The following KCTD1 variants were observed in gnomAD, a reference collection of about 807,000 sequenced individuals.
The protein encoded by KCTD1 is BTB/POZ domain-containing protein KCTD1.
Under a neutral mutation model 66.0 loss-of-function variants are expected in KCTD1, and 24 were observed. The ratio of observed to expected loss-of-function variants is 0.36; its 90% CI spans 0.26 to 0.51. The LOEUF (loss-of-function observed/expected upper bound fraction) is 0.51. Among genes scored for constraint, KCTD1 ranks in the 20% least tolerant of loss-of-function variants. KCTD1 has a pLI of 0.95. For missense variants in KCTD1, 943 were observed against 1,205.2 expected (o/e 0.78, Z 3.22); for synonymous variants, 511 against 517.2 (o/e 0.99, Z 0.16).
intron 3 of KCTD1, among the ~76,000 whole-genome samples, chr18:26,469,282 T>C (rs1342721752): frequency 6.6e-6 from 1 of 152,062 alleles, no homozygotes; most frequent in Non-Finnish European, 1.5e-5. Context: ...TCTGGAATCC[T>C]CAGGGAGCAC....
intron 1 of KCTD1, among the ~76,000 whole-genome samples, chr18:26,523,700 T>G (rs1984026445): frequency 1.3e-5 from 2 of 152,126 alleles, no homozygotes; most frequent in Non-Finnish European, 2.9e-5. Context: ...GTAAGCCTTG[T>G]GTGGTTTTCT....
intron 1 of KCTD1, among the ~76,000 whole-genome samples, chr18:26,509,212 A>G (rs1396703597): frequency 1.3e-5 from 2 of 151,948 alleles, no homozygotes; most frequent in African/African-American, 4.8e-5. Flanking sequence ...TACTGTATGC[A>G]TAATTTATTT....
chr18:26,504,207 C>T (rs1001280525), intron 1 of KCTD1, among the ~76,000 whole-genome samples: 1 of 152,094 alleles, frequency 6.6e-6, no homozygotes, highest in African/African-American at 2.4e-5. Flanking sequence ...GTAACTGGTA[C>T]TACAGGTACG....
At chr18:26,650,784 G>A (rs1988016203) in intron 1 of KCTD1, among the ~76,000 whole-genome samples, 2 of 152,244 alleles carry the variant, frequency 1.3e-5, no homozygotes, top group African/African-American at 4.8e-5. Flanking sequence ...TTCCAGCAAA[G>A]TGAAAGTGCT....
chr18:26,503,614 G>A (rs1024500947), intron 1 of KCTD1, among the ~76,000 whole-genome samples: 2 of 152,090 alleles, frequency 1.3e-5, no homozygotes, highest in African/African-American at 4.8e-5. Context: ...TCCTGCCTGA[G>A]GGTGCTCAGG....
chr18:26,592,932 G>A (rs1034751304), intron 1 of KCTD1, among the ~76,000 whole-genome samples: 1 of 152,188 alleles, frequency 6.6e-6, no homozygotes, highest in Non-Finnish European at 1.5e-5. Flanking sequence ...TTGCAGGATT[G>A]TAAGGTGGGC....
intron 1 of KCTD1, among the ~76,000 whole-genome samples, chr18:26,610,594 A>AAATG (rs1347736323): frequency 1.0e-4 from 15 of 147,802 alleles, no homozygotes; most frequent in African/African-American, 3.4e-4. Context: ...AGAGAGAAAG[A>AAATG]AAGGAAGGAA....
intron 1 of KCTD1, among the ~76,000 whole-genome samples, chr18:26,522,782 G>A (rs774496510): frequency 1.1e-4 from 16 of 152,044 alleles, no homozygotes; most frequent in Non-Finnish European, 1.9e-4. Context: ...TGCTGTGTGC[G>A]AGTCAGCTTA....
upstream of KCTD1, among the ~76,000 whole-genome samples, chr18:26,634,228 C>T (rs1178457121): frequency 1.3e-5 from 2 of 152,128 alleles, no homozygotes; most frequent in Non-Finnish European, 2.9e-5. Context: ...GAAAATGAAT[C>T]ATGGTAGTGC....
At chr18:26,575,179 T>C (rs1986196362) in intron 1 of KCTD1, 1 of 152,064 alleles carries the variant, frequency 6.6e-6, no homozygotes, top group East Asian at 1.9e-4. Flanking sequence ...GTAGAATATT[T>C]CAGAAGTTTG....
intron 1 of KCTD1, among the ~76,000 whole-genome samples, chr18:26,606,649 G>A (rs759956047): frequency 1.3e-5 from 2 of 152,220 alleles, no homozygotes; most frequent in Non-Finnish European, 2.9e-5. Context: ...CAAGTGCAGT[G>A]CTGCACATCA....
rs747030756 is a variant in KCTD1, at chr18:26,476,695, G to C, written c.1989-36C>G. The C allele has an allele frequency of 6.3e-7, 1 of 1,593,096 alleles. No homozygotes were observed. Among genetic ancestry groups the C allele is most frequent in the South Asian group, 1.1e-5 (1 of 88,672 alleles). ...AAAGAGGGAACAGTGAAGACAATTA[G>C]ATCAATTGTTCGGGCACTAGGACTA... On this transcript the variant is annotated intron_variant, in intron 2 of 4. Coordinates refer to ENST00000580059, the MANE Select transcript of KCTD1 (RefSeq NM_001142730.3). This position sits in a 1 kb window ranked among gnomAD's most constrained non-coding sequence, Gnocchi z 4.9.
chr18:26,476,747 G>A lies in KCTD1; in HGVS notation c.1989-88C>T. ...GAGGTGTCTTTTATCACTGTCAAAGGTAGCACTTTTGAAGATGGCAGTAGG... is the reference window on the plus strand; with the variant it reads ...GAGGTGTCTTTTATCACTGTCAAAGATAGCACTTTTGAAGATGGCAGTAGG... On this transcript the variant is annotated intron_variant, in intron 2 of 4. Transcript: ENST00000580059. The surrounding 1 kb of genome is among the most constrained non-coding windows in gnomAD (Gnocchi z 4.9). 1 of 1,234,532 alleles carries A rather than the reference G, an allele frequency of 8.1e-7. No homozygotes were observed. The allele number at this position is 1,234,532 out of a possible 1,614,324, so 76.5% of individuals were successfully genotyped here.
intron 1 of KCTD1, among the ~76,000 whole-genome samples, chr18:26,523,167 C>T (rs1040422645): frequency 6.6e-6 from 1 of 151,946 alleles, no homozygotes; most frequent in African/African-American, 2.4e-5. Flanking sequence ...AGGCAGGGGA[C>T]GATTAACGAT....
intron 1 of KCTD1, among the ~76,000 whole-genome samples, chr18:26,517,658 CAAAAAAAAAAAAAAAA>C (rs968619785): frequency 1.9e-5 from 1 of 53,408 alleles, no homozygotes; most frequent in East Asian, 5.2e-4. Context: ...ACTCCGTCTC[CAAAAAAAAAAAAAAAA>C]AAAAAAAAAG....
At position 26,548,483 on chromosome 18, in the gene KCTD1, G is replaced by C; in HGVS notation, c.54C>G (p.Ala18=). The C allele has an allele frequency of 8.0e-7, 1 of 1,248,778 alleles. No homozygotes were observed. The highest frequency in any genetic ancestry group is 3.8e-5 in the South Asian group (1 of 26,210). The allele number at this position is 1,248,778 out of a possible 1,614,324, so 77.4% of individuals were successfully genotyped here. A position where few individuals can be genotyped will look rare whatever the true frequency, so the allele number is the denominator to read the frequency against. The change falls in exon 1 of 5, where the codon GCC becomes GCG. Residue 18 remains alanine, a synonymous_variant. Coordinates refer to ENST00000580059, the MANE Select transcript of KCTD1 (RefSeq NM_001142730.3). ...GDCNTSAGGS[A]SAAAAAAENN... is the part of the protein sequence containing the mutation. ...TCTCGGCGGCGGCGGCGGCAGCGCT[G>C]GCGCTGCCGCCCGCGCTGGTGTTAC...
intron 2 of KCTD1, among the ~76,000 whole-genome samples, chr18:26,488,096 C>T (rs1405915999): frequency 6.6e-6 from 1 of 152,214 alleles, no homozygotes; most frequent in African/African-American, 2.4e-5. Context: ...GAGCCTGACA[C>T]ATGGTGTACT....
At chr18:26,491,176 T>C (rs1567966060) in intron 2 of KCTD1, among the ~76,000 whole-genome samples, 1 of 152,236 alleles carries the variant, frequency 6.6e-6, no homozygotes, top group East Asian at 1.9e-4. Flanking sequence ...GTCGCACTGG[T>C]TGTTGCATTG....
chr18:26,505,194 A>T (rs1982969105), intron 1 of KCTD1, among the ~76,000 whole-genome samples: 1 of 152,270 alleles, frequency 6.6e-6, no homozygotes, highest in African/African-American at 2.4e-5. Flanking sequence ...GATGCCAAGC[A>T]TGGCTGCCTG....
Sources: allele counts gnomAD v4.1 joint callset (sites outside exome capture counted in the v4.1 genomes callset), GRCh38; gene constraint gnomAD v4.1.1; non-coding constraint Gnocchi (gnomAD v3.1); transcripts MANE v1.5; gene names NCBI Gene and HGNC (gene_info 2026-07-23, HGNC 2026-07-21).